Variants in ERBB4 observed in about 807,000 individuals in gnomAD.
The protein encoded by ERBB4 is receptor tyrosine-protein kinase erbB-4.
Under a neutral mutation model 158.0 loss-of-function variants are expected in ERBB4, and 42 were observed. The observed-to-expected ratio is 0.27, with a 90% CI of 0.21 to 0.34. ERBB4 has a LOEUF of 0.34. Among genes scored for constraint, ERBB4 ranks in the 10% least tolerant of loss-of-function variants. The pLI, the probability that ERBB4 is intolerant of heterozygous loss-of-function variation, is 1.00. For missense variants in ERBB4, 1,333 were observed against 1,624.1 expected (o/e 0.82, Z 3.08); for synonymous variants, 583 against 558.7 (o/e 1.04, Z -0.61).
chr2:212,233,616 A>G (rs982374423), intron 1 of ERBB4, among the ~76,000 whole-genome samples: 1 of 152,140 alleles, frequency 6.6e-6, no homozygotes, highest in Non-Finnish European at 1.5e-5. Flanking sequence ...TACTTTTATT[A>G]AACACTCAAT....
At chr2:211,990,261 TA>T (rs34178469) in intron 2 of ERBB4, among the ~76,000 whole-genome samples, 98,655 of 151,590 alleles carry the variant, frequency 0.65, 35,699 homozygotes, top group Non-Finnish European at 0.82. Context: ...ATTATTATAA[TA>T]AAAAAGCCAT....
chr2:211,700,084 A>C (rs1344952489), intron 12 of ERBB4, among the ~76,000 whole-genome samples: 2 of 152,178 alleles, frequency 1.3e-5, no homozygotes, highest in African/African-American at 2.4e-5. Flanking sequence ...TTCACAGTTA[A>C]ATTTTTGAAA....
intron 1 of ERBB4, among the ~76,000 whole-genome samples, chr2:212,132,071 C>G (rs565359638): frequency 6.6e-6 from 1 of 152,110 alleles, no homozygotes; most frequent in South Asian, 2.1e-4. Context: ...AGATGTATTA[C>G]TTTATGTCAT....
At chr2:212,057,443 A>G (rs1215206665) in intron 2 of ERBB4, among the ~76,000 whole-genome samples, 1 of 152,230 alleles carries the variant, frequency 6.6e-6, no homozygotes, top group Non-Finnish European at 1.5e-5. Context: ...GTAGGCATCT[A>G]CAGAACTCTC....
At chr2:211,885,709 C>T (rs1016759758) in intron 3 of ERBB4, among the ~76,000 whole-genome samples, 2 of 152,148 alleles carry the variant, frequency 1.3e-5, no homozygotes, top group African/African-American at 4.8e-5. Context: ...ATCTGCCCGC[C>T]TTGGCCTCCC....
intron 1 of ERBB4, among the ~76,000 whole-genome samples, chr2:212,307,303 G>A (rs1373214966): frequency 6.6e-6 from 1 of 150,724 alleles, no homozygotes; most frequent in Admixed American, 6.6e-5. Flanking sequence ...CAGCAGGGTA[G>A]TTCCTCTGAC....
intron 1 of ERBB4, among the ~76,000 whole-genome samples, chr2:212,495,315 GT>G (rs952960787): frequency 6.6e-5 from 10 of 152,136 alleles, no homozygotes; most frequent in Admixed American, 6.6e-4. Context: ...GTGATTCAGA[GT>G]TTGCAAACAA....
At chr2:212,356,658 A>G (rs1320148246) in intron 1 of ERBB4, among the ~76,000 whole-genome samples, 3 of 151,916 alleles carry the variant, frequency 2.0e-5, no homozygotes, top group African/African-American at 4.8e-5. Flanking sequence ...AACTGTCTAT[A>G]CATGCCCTCT....
intron 3 of ERBB4, among the ~76,000 whole-genome samples, chr2:211,845,634 G>A (rs2077569854): frequency 1.3e-5 from 2 of 152,078 alleles, no homozygotes; most frequent in Admixed American, 1.3e-4. Flanking sequence ...CTTTGTGAAT[G>A]GGAACCTCAA....
intron 20 of ERBB4, among the ~76,000 whole-genome samples, chr2:211,446,980 A>C (rs922207406): frequency 1.1e-4 from 17 of 152,138 alleles, no homozygotes. Context: ...GAAAACTATA[A>C]ACCCTCTATA....
chr2:211,593,918 T>C (rs993528608), intron 19 of ERBB4, among the ~76,000 whole-genome samples: 1 of 152,148 alleles, frequency 6.6e-6, no homozygotes, highest in Non-Finnish European at 1.5e-5. Context: ...CAGGATAACT[T>C]TGATGGGTCG....
intron 2 of ERBB4, among the ~76,000 whole-genome samples, chr2:211,954,933 T>C (rs145529157): frequency 2.8e-4 from 42 of 152,178 alleles, no homozygotes; most frequent in African/African-American, 9.6e-4. Context: ...CTGCTGCTTG[T>C]AGAGATAGTA....
rs1219683423 is a variant in ERBB4 at position 212,155,021 on chromosome 2, C to T, written c.83-30118G>A. ...TTAAGCAAAGTTAATGGAAACTCAG[C>T]GGATGAATGGTGCCGCAATTCAAAT... On this transcript the variant is annotated intron_variant, in intron 1 of 27. Coordinates refer to ENST00000342788, the MANE Select transcript of ERBB4 (RefSeq NM_005235.3). Among the ~76,000 whole-genome samples the T allele has an allele frequency of 3.3e-5, 5 of 152,076 alleles. 1 individual carries two copies. Among genetic ancestry groups the T allele is most frequent in the South Asian group, 2.1e-4 (1 of 4,826 alleles).
chr2:212,008,382 C>T (rs1404894278), intron 2 of ERBB4, among the ~76,000 whole-genome samples: 3 of 151,988 alleles, frequency 2.0e-5, no homozygotes, highest in African/African-American at 7.2e-5. Flanking sequence ...GTCAAAATGA[C>T]AGAAATTCTT....
chr2:212,193,974 T>C (rs1380922390), intron 1 of ERBB4, among the ~76,000 whole-genome samples: 2 of 152,012 alleles, frequency 1.3e-5, no homozygotes, highest in Non-Finnish European at 2.9e-5. Context: ...ATGGCACAAA[T>C]GTAATGCACA....
At chr2:212,062,396 A>AT (rs1559419685) in intron 2 of ERBB4, among the ~76,000 whole-genome samples, 4 of 96,522 alleles carry the variant, frequency 4.1e-5, no homozygotes, top group African/African-American at 7.8e-5. Context: ...TCACTTGTCA[A>AT]TTCTTTTTTT....
chr2:211,580,879 A>AGTATG (rs1177522902), intron 19 of ERBB4, among the ~76,000 whole-genome samples: 54,485 of 66,944 alleles, frequency 0.81, 23,029 homozygotes, highest in Middle Eastern at 0.89. Flanking sequence ...ATATATATAT[A>AGTATG]TATATATATA....
chr2:211,406,762 A>AATAGT (rs1196793504), intron 25 of ERBB4, among the ~76,000 whole-genome samples: 1 of 152,126 alleles, frequency 6.6e-6, no homozygotes, highest in Non-Finnish European at 1.5e-5. Context: ...TAAATACTAA[A>AATAGT]ATAGTAGAAA....
intron 3 of ERBB4, among the ~76,000 whole-genome samples, chr2:211,875,599 T>C (rs2078478625): frequency 6.6e-6 from 1 of 152,286 alleles, no homozygotes; most frequent in East Asian, 1.9e-4. Context: ...GCTGTAGCAA[T>C]GTTGCAGCAC....
Sources: gnomAD v4.1 joint callset for allele counts (sites outside exome capture counted in the v4.1 genomes callset) on GRCh38, gnomAD v4.1.1 for gene constraint, MANE v1.5 for transcripts, NCBI Gene and HGNC (gene_info 2026-07-23, HGNC 2026-07-21) for gene names.